Variants in BCORL1 observed in about 807,000 individuals in gnomAD.
BCORL1 encodes the protein BCL6 corepressor like 1.
Under a neutral mutation model 87.6 loss-of-function variants are expected in BCORL1, and 7 were observed. That is an observed-to-expected ratio of 0.08 (90% CI 0.05 to 0.15). The LOEUF (loss-of-function observed/expected upper bound fraction) is 0.15. Among genes scored for constraint, BCORL1 ranks in the 10% least tolerant of loss-of-function variants. The pLI is 1.00. For missense variants in BCORL1, 1,215 were observed against 1,499.7 expected (o/e 0.81, Z 3.13); for synonymous variants, 591 against 634.4 (o/e 0.93, Z 1.03).
At chrX:129,989,009 T>C (rs1012082936) in intron 1 of BCORL1, among the ~76,000 whole-genome samples, 3 of 111,991 alleles carry the variant, frequency 2.7e-5, no homozygotes, top group African/African-American at 9.7e-5. Flanking sequence ...CCAGTTAGTA[T>C]AGTACAGTGG....
intron 2 of BCORL1, among the ~76,000 whole-genome samples, chrX:130,011,276 C>T (rs764782417): frequency 1.8e-5 from 2 of 110,095 alleles, no homozygotes; most frequent in Admixed American, 9.8e-5. Flanking sequence ...CTCACTCTGT[C>T]GCCCAGGTTG....
intron 2 of BCORL1, among the ~76,000 whole-genome samples, chrX:130,006,817 A>G (rs1270459249): frequency 5.0e-5 from 5 of 100,420 alleles, no homozygotes; most frequent in African/African-American, 7.4e-5. Flanking sequence ...TGATCCACTC[A>G]CCTCGGCCTC....
chrX:130,030,377 C>T (rs1342705717), intron 8 of BCORL1, among the ~76,000 whole-genome samples: 1 of 111,610 alleles, frequency 9.0e-6, no homozygotes, highest in Non-Finnish European at 1.9e-5. Flanking sequence ...TTCACGTTAT[C>T]GCTCTTAATT....
At chrX:130,035,299 TCAA>T (rs1930869133) in intron 9 of BCORL1, among the ~76,000 whole-genome samples, 1 of 112,247 alleles carries the variant, frequency 8.9e-6, no homozygotes. Flanking sequence ...CTAAGATCAC[TCAA>T]CTACTACGCA....
intron 11 of BCORL1, among the ~76,000 whole-genome samples, chrX:130,046,174 A>G (rs1298897286): frequency 9.2e-6 from 1 of 108,557 alleles, no homozygotes; most frequent in Non-Finnish European, 1.9e-5. Flanking sequence ...TTTGGTCCCC[A>G]TTACTTAGGA....
At chrX:130,028,609 G>A (rs767027132) in intron 7 of BCORL1, 26 bp from the exon 8 acceptor site, 119 of 1,157,063 alleles carry the variant, frequency 1.0e-4, no homozygotes, top group Non-Finnish European at 1.4e-4. Flanking sequence ...TCTGACATCC[G>A]TTCTTTTCCT....
chrX:130,013,210 C>T lies in BCORL1; in HGVS notation c.438C>T (p.Thr146=), dbSNP rs962418502. 52 of 1,210,575 alleles carry T rather than the reference C, an allele frequency of 4.3e-5. No homozygotes were observed. Among genetic ancestry groups the T allele is most frequent in the Non-Finnish European group, 4.8e-5 (43 of 895,339 alleles). ...RADCSWTPLN[T]QMSKQVDCSP... ...ACTGCTCCTGGACTCCACTCAACAC[C>T]CAAATGAGCAAACAGGTTGACTGCT... Residue 146 remains threonine, a synonymous_variant, in exon 4 of 14, where the codon ACC becomes ACT. Coordinates refer to ENST00000540052, the MANE Select transcript of BCORL1 (RefSeq NM_001379451.1).
In BCORL1 at chrX:130,057,624, TGGAAAAAAAAAAGATTAAAAAAAAAA is replaced by T. The variant is rs943870138; in HGVS notation, c.*1501_*1526del. Reference sequence around the variant, plus strand: ...AAAACAACAACAACAAAAAAGAAAATGGAAAAAAAAAAGATTAAAAAAAAAAGGAAAAAAAAAAAGCCAGTTTGAGG... The same window carrying T: ...AAAACAACAACAACAAAAAAGAAAATGGAAAAAAAAAAAGCCAGTTTGAGG... On this transcript the variant is annotated 3_prime_UTR_variant, in exon 14 of 14. Coordinates refer to ENST00000540052, the MANE Select transcript of BCORL1 (RefSeq NM_001379451.1). 1.3e-5 allele frequency: 1 copy of T among 75,083 alleles called. No individual in the cohort carries two copies. The highest frequency in any genetic ancestry group is 5.1e-5 in the African/African-American group (1 of 19,602). 6.2% of individuals were successfully genotyped at this position (75,083 alleles called of 1,213,427 possible).
intron 2 of BCORL1, among the ~76,000 whole-genome samples, chrX:130,007,041 G>A (rs897309572): frequency 4.5e-5 from 5 of 112,052 alleles, no homozygotes; most frequent in Non-Finnish European, 7.5e-5. Flanking sequence ...GTAAATCTTA[G>A]AAATGTGTGT....
rs1278008098 is a variant in BCORL1 at position 130,051,840 on chromosome X, C to T, written c.4919-20C>T. 1 of 1,171,968 alleles carries T rather than the reference C, an allele frequency of 8.5e-7. No homozygotes were observed. The highest frequency in any genetic ancestry group is 1.1e-6 in the Non-Finnish European group (1 of 873,599). ...TGTACATGTATCTGAGTCCTAATCC[C>T]CTATATGCTCCCCTTACAGAGGAAA... On this transcript the variant is annotated intron_variant, in intron 12 of 13. Coordinates refer to ENST00000540052, the MANE Select transcript of BCORL1 (RefSeq NM_001379451.1).
Position 130,025,287 on chromosome X carries a change from G to A in BCORL1, c.3986G>A (p.Arg1329Lys). The A allele has an allele frequency of 8.3e-7, 1 of 1,207,154 alleles. No homozygotes were observed. The highest frequency in any genetic ancestry group is 1.1e-6 in the Non-Finnish European group (1 of 893,525). ...GAAGAGGAGGAGGGCCTGCTGAAGAGGAAGAAACGAAGACGGCAGAAGAGC... is the reference window on the plus strand; with the variant it reads ...GAAGAGGAGGAGGGCCTGCTGAAGAAGAAGAAACGAAGACGGCAGAAGAGC... ...EEEEEEGLLK[R>K]KKRRRQKSRK... is the part of the protein sequence containing the mutation. The change falls in exon 7 of 14, where the codon AGG becomes AAG. Residue 1329 changes from arginine (R) to lysine (K), a missense_variant. Arg to Lys is a conservative substitution (Grantham distance 26, BLOSUM62 2). This residue lies in a region of BCORL1 where 166 missense variants were observed against 196.5 expected (regional missense o/e 0.84). Coordinates refer to ENST00000540052, the MANE Select transcript of BCORL1 (RefSeq NM_001379451.1).
chrX:130,044,273 C>T (rs1178733099), intron 11 of BCORL1, among the ~76,000 whole-genome samples: 1 of 111,213 alleles, frequency 9.0e-6, no homozygotes, highest in Non-Finnish European at 1.9e-5. Context: ...TGTCCCCAAG[C>T]ATTTGCTTGA....
intron 4 of BCORL1, among the ~76,000 whole-genome samples, chrX:130,016,560 GA>G (rs1473615404): frequency 1.4e-4 from 16 of 111,754 alleles, no homozygotes; most frequent in African/African-American, 5.2e-4. Context: ...GCTCTTCCTT[GA>G]ATAACCATTC....
chrX:130,011,074 GCA>G (rs1238698482), intron 2 of BCORL1, among the ~76,000 whole-genome samples: 2 of 101,235 alleles, frequency 2.0e-5, no homozygotes, highest in Admixed American at 2.2e-4. Flanking sequence ...GTCACCTCAG[GCA>G]CAGTGTATTT....
At position 130,021,913 on chromosome X, in the gene BCORL1, G is replaced by A. The variant is rs930014662; in HGVS notation, c.3607+763G>A. On this transcript the variant is annotated intron_variant, in intron 5 of 13. Coordinates refer to ENST00000540052, the MANE Select transcript of BCORL1 (RefSeq NM_001379451.1). ...AGTGATCCTCCTACCTCAGCCTCCC[G>A]AGTAGCTGGGACCACAGGCATGTGC... 3.6e-5 allele frequency among the ~76,000 whole-genome samples: 4 copies of A among 111,086 alleles called. No homozygotes were observed. In the Admixed American group the frequency reaches 3.8e-4, roughly 11 times the overall value.
At position 129,999,006 on chromosome X, in the gene BCORL1, A is replaced by G. The variant is rs1927781826; in HGVS notation, c.-44-6182A>G. Among the ~76,000 whole-genome samples the G allele has an allele frequency of 2.8e-5, 3 of 109,012 alleles. No individual in the cohort carries two copies. The South Asian group carries it at 1.2e-3, about 42-fold the overall frequency. The allele number at this position is 109,012 out of a possible 115,157, so 94.7% of individuals were successfully genotyped here. A position where few individuals can be genotyped will look rare whatever the true frequency, so the allele number is the denominator to read the frequency against. On this transcript the variant is annotated intron_variant, in intron 1 of 13. Transcript: ENST00000540052. Reference sequence around the variant, plus strand: ...GCGTTGCTCTCTACGTGGTCATAACATGTGTATTATATAGTAATTATTTTG... The same window carrying G: ...GCGTTGCTCTCTACGTGGTCATAACGTGTGTATTATATAGTAATTATTTTG...
chrX:130,013,036 A>G lies in BCORL1; in HGVS notation c.264A>G (p.Ser88=). ...GSATEKLGHK[S]EDKPDDPQPK... is the part of the protein sequence containing the mutation. ...CTACAGAAAAACTTGGGCACAAGTC[A>G]GAAGACAAGCCTGACGATCCCCAGC... The change falls in exon 4 of 14, where the codon TCA becomes TCG. Residue 88 remains serine, a synonymous_variant. Transcript: ENST00000540052. 1 of 1,210,938 alleles carries G rather than the reference A, an allele frequency of 8.3e-7. No individual in the cohort carries two copies. The highest frequency in any genetic ancestry group is 1.1e-6 in the Non-Finnish European group (1 of 894,414).
intron 7 of BCORL1, 82 bp downstream of exon 7, chrX:130,025,461 G>C (rs930691734): frequency 2.0e-5 from 19 of 935,788 alleles, no homozygotes; most frequent in Middle Eastern, 4.3e-4. Flanking sequence ...CCAGCCAAAG[G>C]CTTCGGGACC....
At chrX:129,994,914 T>G (rs1321175723) in intron 1 of BCORL1, among the ~76,000 whole-genome samples, 2 of 111,823 alleles carry the variant, frequency 1.8e-5, no homozygotes, top group African/African-American at 3.2e-5. Context: ...CCTGGCAGAT[T>G]ATTTCTAGTT....
Sources: gnomAD v4.1 joint callset for allele counts (sites outside exome capture counted in the v4.1 genomes callset) on GRCh38, gnomAD v4.1.1 for gene constraint, gnomAD v4.1.1 regional missense constraint, MANE v1.5 for transcripts, NCBI Gene and HGNC (gene_info 2026-07-23, HGNC 2026-07-21) for gene names.